Variants in ZNF407 observed in about 807,000 individuals in gnomAD.
ZNF407 encodes zinc finger protein 407.
In ZNF407, 17 loss-of-function variants were observed where a neutral mutation model predicts 131.2. The observed-to-expected ratio is 0.13, with a 90% CI of 0.09 to 0.19. The LOEUF is 0.19. ZNF407 is among the 10% of genes least tolerant of loss of function. The probability of loss-of-function intolerance (pLI) is 1.00; values close to 1 mark genes in which losing one functional copy is unlikely to be tolerated. For missense variants in ZNF407, 2,681 were observed against 2,830.6 expected, an observed-to-expected ratio of 0.95 and a Z score of 1.20; for synonymous variants, 1,156 against 1,062.0, an observed-to-expected ratio of 1.09 and a Z score of -1.72.
At chr18:74,682,360 G>A (rs145671029) in intron 3 of ZNF407, among the ~76,000 whole-genome samples, 118 of 152,290 alleles carry the variant, frequency 7.7e-4, no homozygotes, top group African/African-American at 2.3e-3. Context: ...TCAACAGAGC[G>A]GGGCAGCAGG....
At chr18:74,746,786 C>T (rs1461886093) in intron 3 of ZNF407, among the ~76,000 whole-genome samples, 1 of 148,658 alleles carries the variant, frequency 6.7e-6, no homozygotes, top group African/African-American at 2.5e-5. Context: ...TTACACTTAA[C>T]TTAAAAAAAA....
rs554114343 is a variant in ZNF407 at position 74,980,358 on chromosome 18, A to ACAGCTCTT, written c.5428+59666_5428+59667insCAGCTCTT. On this transcript the variant is annotated intron_variant, in intron 8 of 8. Transcript: ENST00000299687. ...GTTTCGCTCTTGTGGCCCAGGCTGG[A>ACAGCTCTT]GTGCAACGGCGTGACCTCAGCTCAC... is the stretch of plus-strand genomic sequence containing the variant. Among the ~76,000 whole-genome samples the ACAGCTCTT allele has an allele frequency of 3.8e-3, 579 of 150,492 alleles. 9 individuals carry two copies. The highest frequency in any genetic ancestry group is 0.013 in the African/African-American group (550 of 40,910).
chr18:74,721,122 A>G (rs1315188132), intron 3 of ZNF407, among the ~76,000 whole-genome samples: 1 of 152,062 alleles, frequency 6.6e-6, no homozygotes, highest in Non-Finnish European at 1.5e-5. Flanking sequence ...ATGATTTATG[A>G]ACAGGAGATG....
chr18:74,981,584 A>G (rs1283912498), intron 8 of ZNF407, among the ~76,000 whole-genome samples: 1 of 152,176 alleles, frequency 6.6e-6, no homozygotes, highest in East Asian at 1.9e-4. Context: ...ACTTACTTCA[A>G]CAGAGAGGGA....
At chr18:74,776,597 T>C (rs1969476894) in intron 3 of ZNF407, among the ~76,000 whole-genome samples, 1 of 152,140 alleles carries the variant, frequency 6.6e-6, no homozygotes, top group Non-Finnish European at 1.5e-5. Context: ...TACCCCTACT[T>C]TTTGGTAACA....
chr18:74,741,343 T>C (rs1968545056), intron 3 of ZNF407, among the ~76,000 whole-genome samples: 1 of 152,088 alleles, frequency 6.6e-6, no homozygotes, highest in South Asian at 2.1e-4. Context: ...TAAATATAAA[T>C]GTATATATGG....
chr18:75,003,540 T>C (rs1972872235), intron 8 of ZNF407, among the ~76,000 whole-genome samples: 1 of 152,374 alleles, frequency 6.6e-6, no homozygotes, highest in Non-Finnish European at 1.5e-5. Context: ...TTATTCCTTG[T>C]CATGTTTCTG....
chr18:74,624,713 A>C (rs1320687680), intron 1 of ZNF407, among the ~76,000 whole-genome samples: 1 of 152,196 alleles, frequency 6.6e-6, no homozygotes, highest in African/African-American at 2.4e-5. Context: ...TGTGGTAGAA[A>C]GCCAGTGCCG....
At chr18:74,946,485 A>T (rs1056197439) in intron 8 of ZNF407, among the ~76,000 whole-genome samples, 1 of 152,158 alleles carries the variant, frequency 6.6e-6, no homozygotes, top group Non-Finnish European at 1.5e-5. Context: ...TTATTTTGTA[A>T]ATTGTTAAAA....
At chr18:74,952,540 A>G (rs926750842) in intron 8 of ZNF407, among the ~76,000 whole-genome samples, 13 of 152,212 alleles carry the variant, frequency 8.5e-5, no homozygotes, top group African/African-American at 1.4e-4. Context: ...ACTACTGTGC[A>G]TGGTAATGCC....
At chr18:74,750,057 C>T (rs1968763016) in intron 3 of ZNF407, among the ~76,000 whole-genome samples, 1 of 152,204 alleles carries the variant, frequency 6.6e-6, no homozygotes, top group Non-Finnish European at 1.5e-5. Context: ...CAAATCCGTG[C>T]TATAGCCTTG....
chr18:74,955,960 C>T (rs1298111816), intron 8 of ZNF407, among the ~76,000 whole-genome samples: 2 of 152,220 alleles, frequency 1.3e-5, no homozygotes, highest in African/African-American at 4.8e-5. Context: ...AAAGCTCTAA[C>T]TTAAGGAAGT....
At chr18:74,818,206 A>C (rs575856648) in intron 4 of ZNF407, among the ~76,000 whole-genome samples, 1 of 152,276 alleles carries the variant, frequency 6.6e-6, no homozygotes, top group African/African-American at 2.4e-5. Context: ...TAGTAGCAGG[A>C]GTCATAACTG....
At chr18:74,878,678 A>G (rs73971188) in intron 5 of ZNF407, among the ~76,000 whole-genome samples, 4,316 of 152,216 alleles carry the variant, frequency 0.028, 198 homozygotes, top group African/African-American at 0.096. Context: ...GTCTTTCTAC[A>G]TTTGAATGCA....
chr18:74,617,866 A>G (rs1983382507), intron 1 of ZNF407, among the ~76,000 whole-genome samples: 1 of 152,058 alleles, frequency 6.6e-6, no homozygotes, highest in African/African-American at 2.4e-5. Flanking sequence ...CCCCCCCTAG[A>G]TTTGGTATTC....
intron 6 of ZNF407, among the ~76,000 whole-genome samples, chr18:74,887,722 A>G (rs1292076788): frequency 2.0e-5 from 3 of 152,150 alleles, no homozygotes; most frequent in Non-Finnish European, 4.4e-5. Context: ...CTCTGTGTTA[A>G]GTGTACTCTT....
At position 75,048,546 on chromosome 18, in the gene ZNF407, C is replaced by A. The variant is rs1410736758; in HGVS notation, c.5429-14604C>A. Among the ~76,000 whole-genome samples, 1 of 152,118 alleles carries A rather than the reference C, an allele frequency of 6.6e-6. No individual in the cohort carries two copies. Among genetic ancestry groups the A allele is most frequent in the Non-Finnish European group, 1.5e-5 (1 of 68,012 alleles). ...GCCAGAAATTTCCAACCCAGCCTAG[C>A]CTTCCCCTGGCCTGAAGCATGTTGC... On this transcript the variant is annotated intron_variant, in intron 8 of 8. Transcript: ENST00000299687. The surrounding 1 kb of genome is among the most constrained non-coding windows in gnomAD (Gnocchi z 4.1).
rs1984150586 is a variant in ZNF407, at chr18:74,632,362, G to A, written c.1343G>A (p.Gly448Glu). The change falls in exon 2 of 9, where the codon GGA becomes GAA. Residue 448 changes from glycine to glutamate, a missense_variant. Transcript: ENST00000299687. ...GQAKKRFNLL[G>E]IKRGTSETQR... ...GCAAAGAAAAGGTTTAATCTTTTAG[G>A]AATTAAAAGAGGTACAAGTGAAACT... The A allele has an allele frequency of 6.2e-7, 1 of 1,613,974 alleles. No homozygotes were observed. The highest frequency in any genetic ancestry group is 1.1e-5 in the South Asian group (1 of 91,080).
intron 3 of ZNF407, among the ~76,000 whole-genome samples, chr18:74,700,985 TA>T (rs1295835696): frequency 2.0e-5 from 3 of 152,160 alleles, no homozygotes; most frequent in African/African-American, 7.2e-5. Flanking sequence ...ATAGGGCCTA[TA>T]GGGGGTAGTT....
Sources: allele counts gnomAD v4.1 joint callset (sites outside exome capture counted in the v4.1 genomes callset), GRCh38; gene constraint gnomAD v4.1.1; non-coding constraint Gnocchi (gnomAD v3.1); transcripts MANE v1.5; gene names NCBI Gene and HGNC (gene_info 2026-07-23, HGNC 2026-07-21).